The following ARID1B variants were observed in gnomAD, a reference collection of about 807,000 sequenced individuals.
ARID1B encodes the protein AT-rich interactive domain-containing protein 1B.
A neutral mutation model predicts 212.3 loss-of-function variants in ARID1B; 30 were observed. That is an observed-to-expected ratio of 0.14 (90% CI 0.11 to 0.19). The LOEUF is 0.19. ARID1B is among the 10% of genes least tolerant of loss of function. The probability of loss-of-function intolerance (pLI) is 1.00; values close to 1 mark genes in which losing one functional copy is unlikely to be tolerated. For missense variants in ARID1B, 2,891 were observed against 3,204.0 expected (o/e 0.90, Z 2.36); for synonymous variants, 1,402 against 1,301.7 (o/e 1.08, Z -1.66).
chr6:157,137,745 T>C (rs1245843392), intron 7 of ARID1B, among the ~76,000 whole-genome samples: 3 of 152,168 alleles, frequency 2.0e-5, no homozygotes, highest in Non-Finnish European at 2.9e-5. Context: ...TATGGGAGTC[T>C]GGGAAGGGCC....
At chr6:157,114,455 C>T (rs745838161) in intron 6 of ARID1B, among the ~76,000 whole-genome samples, 4 of 131,344 alleles carry the variant, frequency 3.0e-5, no homozygotes, top group Non-Finnish European at 6.2e-5. Flanking sequence ...ACCAGGGAGG[C>T]GGACGTTGCC....
chr6:157,154,604 G>A (rs1360815036), intron 8 of ARID1B, among the ~76,000 whole-genome samples: 1 of 88,634 alleles, frequency 1.1e-5, no homozygotes, highest in East Asian at 4.0e-4. Flanking sequence ...TTTTTGAGTT[G>A]GAGTCTCACT....
chr6:156,945,490 C>T (rs1793051248), intron 4 of ARID1B, among the ~76,000 whole-genome samples: 1 of 151,744 alleles, frequency 6.6e-6, no homozygotes, highest in South Asian at 2.1e-4. Flanking sequence ...GCACCTGTGC[C>T]TGCAGATTCT....
At chr6:157,122,841 G>A (rs1787831679) in intron 6 of ARID1B, among the ~76,000 whole-genome samples, 1 of 152,064 alleles carries the variant, frequency 6.6e-6, no homozygotes, top group Non-Finnish European at 1.5e-5. Context: ...ACCACACCCA[G>A]CTAACTTTTT....
chr6:157,207,548 C>T lies in ARID1B; in HGVS notation c.6776C>T (p.Ser2259Leu), dbSNP rs1554238078. The change falls in exon 20 of 20, where the codon TCG (serine) becomes TTG (leucine). Residue 2259 changes from serine to leucine, a missense_variant. Ser to Leu is a moderately radical substitution (Grantham distance 145). Transcript: ENST00000636930. This position sits in a 1 kb window ranked among gnomAD's most constrained non-coding sequence, Gnocchi z 8.5. ...CGAGAAATGTCCATGGCGCTTTTATCGAACCTTGCCCAAGGGGACGCACTA... is the reference window on the plus strand; with the variant it reads ...CGAGAAATGTCCATGGCGCTTTTATTGAACCTTGCCCAAGGGGACGCACTA... ...VCREMSMALL[S>L]NLAQGDALAA... The T allele has an allele frequency of 6.2e-7, 1 of 1,614,142 alleles. No homozygotes were observed. Among genetic ancestry groups the T allele is most frequent in the Non-Finnish European group, 8.5e-7 (1 of 1,180,028 alleles).
intron 4 of ARID1B, among the ~76,000 whole-genome samples, chr6:156,998,010 C>T (rs546493850): frequency 7.9e-5 from 12 of 152,240 alleles, no homozygotes; most frequent in African/African-American, 1.7e-4. Flanking sequence ...TACCTCTTTC[C>T]GTTTAACGCT....
intron 16 of ARID1B, among the ~76,000 whole-genome samples, chr6:157,198,133 G>C (rs1468567515): frequency 6.6e-6 from 1 of 152,050 alleles, no homozygotes; most frequent in African/African-American, 2.4e-5. Context: ...TAATATACTA[G>C]TAGTTGAAAA....
intron 2 of ARID1B, among the ~76,000 whole-genome samples, chr6:156,831,528 A>G (rs1418425004): frequency 6.6e-6 from 1 of 152,254 alleles, no homozygotes; most frequent in Non-Finnish European, 1.5e-5. Flanking sequence ...CCAAAGTGGG[A>G]GTCAAACAAA....
intron 4 of ARID1B, among the ~76,000 whole-genome samples, chr6:156,974,731 T>C (rs1363766429): frequency 1.3e-5 from 2 of 152,226 alleles, no homozygotes; most frequent in Non-Finnish European, 2.9e-5. Context: ...TTAAATTGTT[T>C]TAGCTGCTAC....
intron 2 of ARID1B, among the ~76,000 whole-genome samples, chr6:156,837,169 G>A (rs1358040193): frequency 6.6e-6 from 1 of 152,172 alleles, no homozygotes; most frequent in African/African-American, 2.4e-5. Flanking sequence ...TTTTTTAAAT[G>A]AATGTATTCT....
At chr6:156,824,290 A>G (rs201172792) in intron 1 of ARID1B, among the ~76,000 whole-genome samples, 1 of 152,160 alleles carries the variant, frequency 6.6e-6, no homozygotes, top group Non-Finnish European at 1.5e-5. Context: ...CACTTGTCTT[A>G]TTTTCTGGAA....
intron 2 of ARID1B, among the ~76,000 whole-genome samples, chr6:156,874,510 C>T (rs1448965888): frequency 6.6e-6 from 1 of 152,174 alleles, no homozygotes; most frequent in African/African-American, 2.4e-5. Context: ...GGCTCAAGGC[C>T]TGGCATGCAT....
intron 4 of ARID1B, among the ~76,000 whole-genome samples, chr6:156,948,864 TTTATC>T (rs1332253184): frequency 6.6e-6 from 1 of 152,266 alleles, no homozygotes; most frequent in Non-Finnish European, 1.5e-5. Flanking sequence ...CTTTTTTCAT[TTTATC>T]TTCAGAGAAC....
At chr6:156,962,185 GCTA>G (rs1449412493) in intron 4 of ARID1B, among the ~76,000 whole-genome samples, 1 of 152,076 alleles carries the variant, frequency 6.6e-6, no homozygotes, top group African/African-American at 2.4e-5. Context: ...TGCAGTCCCA[GCTA>G]CTCGGAAGGC....
rs1234449798 is a variant in ARID1B at position 157,039,670 on chromosome 6, C to CTTCTTTCTTTCTTTCT, written c.2248-44989_2248-44988insTTTCTTTCTTTCTTTC. On this transcript the variant is annotated intron_variant, in intron 4 of 19. Coordinates refer to ENST00000636930, the MANE Select transcript of ARID1B (RefSeq NM_001374828.1). ...CTTTCCTTCCTTCCTTCCTTCCTTCCTTCCTTCCTTCCTTCCTTCCTTCCT... is the reference window on the plus strand; with the variant it reads ...CTTTCCTTCCTTCCTTCCTTCCTTCCTTCTTTCTTTCTTTCTTTCCTTCCTTCCTTCCTTCCTTCCT... Among the ~76,000 whole-genome samples the CTTCTTTCTTTCTTTCT allele has an allele frequency of 1.3e-4, 7 of 55,300 alleles. 1 individual carries two copies. The highest frequency in any genetic ancestry group is 1.2e-3 in the South Asian group (2 of 1,662). The allele number at this position is 55,300 out of a possible 152,430, so 36.3% of individuals were successfully genotyped here.
intron 4 of ARID1B, among the ~76,000 whole-genome samples, chr6:156,946,877 A>G (rs953302870): frequency 6.6e-6 from 1 of 152,220 alleles, no homozygotes; most frequent in Non-Finnish European, 1.5e-5. Flanking sequence ...TGTAACATCT[A>G]AAAGGAAGCA....
intron 7 of ARID1B, among the ~76,000 whole-genome samples, chr6:157,139,867 C>T (rs1162660579): frequency 6.6e-6 from 1 of 151,518 alleles, no homozygotes; most frequent in Non-Finnish European, 1.5e-5. Context: ...GGATTACAGG[C>T]GCCCACCACC....
At chr6:156,871,518 C>G (rs1000866997) in intron 2 of ARID1B, 1 of 1,098,998 alleles carries the variant, frequency 9.1e-7, no homozygotes, top group Non-Finnish European at 1.4e-6. Context: ...TTAAGTTGCT[C>G]AAGGTCACCT....
rs75804807 is a variant in ARID1B, at chr6:156,795,285, G to A, written c.1791+15814G>A. ...CTGGACGGTGTCTCAGATTCGCTGG[G>A]GTTTACGAGTCCAGAAATCCATGAG... On this transcript the variant is annotated intron_variant, in intron 1 of 19. Coordinates refer to ENST00000636930, the MANE Select transcript of ARID1B (RefSeq NM_001374828.1). Among the ~76,000 whole-genome samples the A allele has an allele frequency of 2.6e-3, 389 of 152,212 alleles. 2 individuals are homozygous for A. Among genetic ancestry groups the A allele is most frequent in the Non-Finnish European group, 4.9e-3 (331 of 68,030 alleles).
Sources: gnomAD v4.1 joint callset for allele counts (sites outside exome capture counted in the v4.1 genomes callset) on GRCh38, gnomAD v4.1.1 for gene constraint, Gnocchi (gnomAD v3.1) non-coding constraint, MANE v1.5 for transcripts, NCBI Gene and HGNC (gene_info 2026-07-23, HGNC 2026-07-21) for gene names.